The following EEA1 variants were observed in gnomAD, a reference collection of about 807,000 sequenced individuals.
EEA1 encodes the protein early endosome antigen 1.
Under a neutral mutation model 209.2 loss-of-function variants are expected in EEA1, and 111 were observed. The observed-to-expected ratio is 0.53, with a 90% CI of 0.45 to 0.62. The LOEUF is 0.62. Among genes scored for constraint, EEA1 ranks in the 20% least tolerant of loss-of-function variants. EEA1 has a pLI of 0.00. For synonymous variants in EEA1, 536 were observed against 540.6 expected (o/e 0.99, Z 0.12); for missense variants, 1,343 against 1,530.8 (o/e 0.88, Z 2.05).
chr12:92,923,448 A>G lies in EEA1; in HGVS notation c.24+5595T>C, dbSNP rs144930266. Among the ~76,000 whole-genome samples, 1,141 of 152,330 alleles carry G rather than the reference A, an allele frequency of 7.5e-3. 7 individuals are homozygous for G. Among genetic ancestry groups the G allele is most frequent in the Non-Finnish European group, 0.013 (895 of 68,038 alleles). ...GCAAACATCCCATCCACATCCAGAA[A>G]TACGCACAATCCCCCTACTCTATAC... On this transcript the variant is annotated intron_variant, in intron 1 of 28. Transcript: ENST00000322349.
intron 13 of EEA1, among the ~76,000 whole-genome samples, chr12:92,819,933 C>G (rs1261825100): frequency 6.6e-6 from 1 of 152,130 alleles, no homozygotes; most frequent in Non-Finnish European, 1.5e-5. Context: ...ACTGTTTGTT[C>G]AAACATCACC....
At position 92,897,661 on chromosome 12, in the gene EEA1, C is replaced by A. The variant is rs547253992; in HGVS notation, c.25-5940G>T. ...TTTGTCCAATTCTTTATTCAAAACGCCAAGAATCTGGACAACTTGCAGTCA... is the reference window on the plus strand; with the variant it reads ...TTTGTCCAATTCTTTATTCAAAACGACAAGAATCTGGACAACTTGCAGTCA... On this transcript the variant is annotated intron_variant, in intron 1 of 28. Coordinates refer to ENST00000322349, the MANE Select transcript of EEA1 (RefSeq NM_003566.4). Among the ~76,000 whole-genome samples, 6 of 152,082 alleles carry A rather than the reference C, an allele frequency of 3.9e-5. No individual in the cohort carries two copies. The South Asian group carries it at 1.2e-3, about 32-fold the overall frequency.
Position 92,775,957 on chromosome 12 carries a change from A to G in EEA1, c.*54T>C. On this transcript the variant is annotated 3_prime_UTR_variant, in exon 29 of 29. Coordinates refer to ENST00000322349, the MANE Select transcript of EEA1 (RefSeq NM_003566.4). ...GTAGTCCAAGACCTCTATTAAGTACATTTATTAAAAATCTAATGTTAGTGT... is the reference window on the plus strand; with the variant it reads ...GTAGTCCAAGACCTCTATTAAGTACGTTTATTAAAAATCTAATGTTAGTGT... The G allele has an allele frequency of 6.3e-7, 1 of 1,585,242 alleles. No homozygotes were observed.
chr12:92,824,162 A>G (rs1218885804), intron 13 of EEA1, among the ~76,000 whole-genome samples: 1 of 152,194 alleles, frequency 6.6e-6, no homozygotes, highest in African/African-American at 2.4e-5. Context: ...CCAGACTAAA[A>G]TCCTTGGAGT....
intron 2 of EEA1, among the ~76,000 whole-genome samples, chr12:92,866,734 C>T (rs1050785881): frequency 2.0e-5 from 3 of 152,148 alleles, no homozygotes; most frequent in African/African-American, 7.2e-5. Flanking sequence ...TCTTTAACAA[C>T]ATATATCTCT....
Position 92,917,333 on chromosome 12 carries a change from T to A in EEA1, c.24+11710A>T, listed in dbSNP as rs12317543. Among the ~76,000 whole-genome samples the A allele has an allele frequency of 3.3e-5, 4 of 119,516 alleles. 1 individual carries two copies. In the Middle Eastern group the frequency reaches 0.016, roughly 467 times the overall value. 78.4% of individuals were successfully genotyped at this position (119,516 alleles called of 152,430 possible). ...TGAAATGAAGGAAAAAATGTTAAGG[T>A]CAGCCAGAGAGAAAGGTCGGGTTAT... On this transcript the variant is annotated intron_variant, in intron 1 of 28. Transcript: ENST00000322349.
intron 11 of EEA1, among the ~76,000 whole-genome samples, chr12:92,829,633 G>T (rs1383696331): frequency 6.6e-6 from 1 of 151,902 alleles, no homozygotes; most frequent in Non-Finnish European, 1.5e-5. Flanking sequence ...CAGAAAGTCA[G>T]TCAGGTGTGG....
At chr12:92,912,848 C>T (rs929135578) in intron 1 of EEA1, among the ~76,000 whole-genome samples, 5 of 152,188 alleles carry the variant, frequency 3.3e-5, no homozygotes, top group African/African-American at 1.2e-4. Context: ...CCAGTTCCAT[C>T]CCTGTTGCTA....
chr12:92,907,718 T>C (rs1347793277), intron 1 of EEA1, among the ~76,000 whole-genome samples: 3 of 152,322 alleles, frequency 2.0e-5, no homozygotes, highest in African/African-American at 7.2e-5. Flanking sequence ...ATCTCAACAC[T>C]TTACCATCCT....
At chr12:92,794,022 C>A (rs1441439465) in intron 21 of EEA1, among the ~76,000 whole-genome samples, 1 of 152,038 alleles carries the variant, frequency 6.6e-6, no homozygotes, top group East Asian at 1.9e-4. Context: ...AGAACTCAAA[C>A]AAATTTACAA....
At chr12:92,888,485 G>A (rs1040968376) in intron 2 of EEA1, among the ~76,000 whole-genome samples, 6 of 151,888 alleles carry the variant, frequency 4.0e-5, no homozygotes, top group Non-Finnish European at 7.4e-5. Context: ...GCTGAGGCAG[G>A]AGAATGGCGT....
chr12:92,857,866 C>A (rs1402069712), intron 3 of EEA1, among the ~76,000 whole-genome samples: 1 of 152,158 alleles, frequency 6.6e-6, no homozygotes. Context: ...CTAGTCATTG[C>A]CTTATCACTC....
intron 2 of EEA1, among the ~76,000 whole-genome samples, chr12:92,869,519 C>T (rs577943272): frequency 6.6e-6 from 1 of 150,864 alleles, no homozygotes; most frequent in African/African-American, 2.4e-5. Context: ...CAAGGCAGGC[C>T]GATGACTTGA....
In EEA1 at chr12:92,773,050, AATACC is replaced by A. The variant is rs1184164496; in HGVS notation, c.*2956_*2960del. 1 of 152,216 alleles carries A rather than the reference AATACC, an allele frequency of 6.6e-6. No homozygotes were observed. The highest frequency in any genetic ancestry group is 1.5e-5 in the Non-Finnish European group (1 of 67,710). The allele number at this position is 152,216 out of a possible 1,614,324, so 9.4% of individuals were successfully genotyped here. On this transcript the variant is annotated 3_prime_UTR_variant, in exon 29 of 29. Transcript: ENST00000322349. ...AATGTGTGGCACGTTATAATTACAG[AATACC>A]ATTCATCAAGCTCATGTCTAGGAAT... is the stretch of plus-strand genomic sequence containing the variant.
rs73362428 is a variant in EEA1 at position 92,801,659 on chromosome 12, T to A, written c.2713A>T (p.Met905Leu). 0.01 allele frequency: 16,088 copies of A among 1,598,836 alleles called. 161 individuals carry two copies. The highest frequency in any genetic ancestry group is 0.039 in the Middle Eastern group (234 of 6,010). Residue 905 changes from methionine to leucine, a missense_variant, in exon 20 of 29, where the codon ATG becomes TTG. Coordinates refer to ENST00000322349, the MANE Select transcript of EEA1 (RefSeq NM_003566.4). ...KELKHQLQVQ[M>L]ENTLKEQKEL... The stretch of plus-strand genomic sequence containing the variant: ...TTCTGTTCCTTAAGTGTGTTTTCCA[T>A]CTGCACTTGAAGTTGATGCTTTAAT...
chr12:92,838,506 G>C (rs1410954904), intron 10 of EEA1, among the ~76,000 whole-genome samples: 1 of 152,118 alleles, frequency 6.6e-6, no homozygotes, highest in Non-Finnish European at 1.5e-5. Context: ...TAGTTTGACA[G>C]GATATAAAAG....
intron 1 of EEA1, among the ~76,000 whole-genome samples, chr12:92,921,866 CAAAAA>C (rs756583756): frequency 1.1e-4 from 9 of 83,448 alleles, no homozygotes; most frequent in African/African-American, 2.4e-4. Flanking sequence ...GACTCTGTCT[CAAAAA>C]AAAAAAAAAA....
In EEA1 at chr12:92,816,090, T is replaced by C; in HGVS notation, c.1929+110A>G. 4 of 970,990 alleles carry C rather than the reference T, an allele frequency of 4.1e-6. No homozygotes were observed. The South Asian group carries it at 6.8e-5, about 17-fold the overall frequency. 60.1% of individuals were successfully genotyped at this position (970,990 alleles called of 1,614,324 possible). ...AGATATAGCCTTTATCTAATTCTTA[T>C]TTCAAATTTTTTTCAATTAATATGC... On this transcript the variant is annotated intron_variant, in intron 15 of 28. Coordinates refer to ENST00000322349, the MANE Select transcript of EEA1 (RefSeq NM_003566.4).
chr12:92,923,451 C>T (rs992702590), intron 1 of EEA1, among the ~76,000 whole-genome samples: 2 of 152,196 alleles, frequency 1.3e-5, no homozygotes, highest in Non-Finnish European at 2.9e-5. Context: ...TCCAGAAATA[C>T]GCACAATCCC....
Sources: allele counts gnomAD v4.1 joint callset (sites outside exome capture counted in the v4.1 genomes callset), GRCh38; gene constraint gnomAD v4.1.1; transcripts MANE v1.5; gene names NCBI Gene and HGNC (gene_info 2026-07-23, HGNC 2026-07-21).